Variants in STARD13 observed in about 807,000 individuals in gnomAD.
STARD13 encodes the protein StAR related lipid transfer domain containing 13, also known as stAR-related lipid transfer protein 13.
In STARD13, 62 loss-of-function variants were observed where a neutral mutation model predicts 106.4. The observed-to-expected ratio is 0.58, with a 90% CI of 0.48 to 0.72. STARD13 has a LOEUF of 0.72. Among genes scored for constraint, STARD13 ranks in the 30% least tolerant of loss-of-function variants. The pLI, the probability that STARD13 is intolerant of heterozygous loss-of-function variation, is 0.00. For synonymous variants in STARD13, 565 were observed against 553.0 expected, an observed-to-expected ratio of 1.02 and a Z score of -0.31; for missense variants, 1,387 against 1,424.0, an observed-to-expected ratio of 0.97 and a Z score of 0.42.
At chr13:33,503,989 C>A in the STARD13 span, among the ~76,000 whole-genome samples, 1 of 152,106 alleles carries the variant, frequency 6.6e-6, no homozygotes, top group Admixed American at 6.5e-5. Flanking sequence ...ATGCAGCCAA[C>A]AGACACATGA....
chr13:33,452,732 A>T, the STARD13 span, among the ~76,000 whole-genome samples: 11 of 152,322 alleles, frequency 7.2e-5, no homozygotes, highest in African/African-American at 2.4e-4. Context: ...AGATTAAGCT[A>T]AAAACTTGTG....
chr13:33,105,751 T>C, intron 13 of STARD13, 41 bp from the exon 14 acceptor site: 1 of 1,547,450 alleles, frequency 6.5e-7, no homozygotes, highest in Non-Finnish European at 8.9e-7. Flanking sequence ...GAAAGTTTGT[T>C]TCCAAATCAC....
At chr13:33,493,349 A>G in the STARD13 span, among the ~76,000 whole-genome samples, 2 of 152,198 alleles carry the variant, frequency 1.3e-5, no homozygotes, top group Admixed American at 1.3e-4. Flanking sequence ...ATGAACACAG[A>G]AGTGATCTCA....
chr13:33,352,842 G>C (rs1056061908), upstream of STARD13, among the ~76,000 whole-genome samples: 2 of 152,184 alleles, frequency 1.3e-5, no homozygotes, highest in African/African-American at 4.8e-5. Context: ...TACAGCATCC[G>C]CTCTCATTCT....
chr13:33,640,764 C>T, the STARD13 span, among the ~76,000 whole-genome samples: 1 of 152,114 alleles, frequency 6.6e-6, no homozygotes, highest in African/African-American at 2.4e-5. Context: ...TGATCCCAAT[C>T]TCAGATCAAG....
At chr13:33,350,255 G>GC in intron 1 of STARD13, 1 of 1,508,902 alleles carries the variant, frequency 6.6e-7, no homozygotes, top group Non-Finnish European at 8.8e-7. Context: ...CGCCTCCCCC[G>GC]CCCCCGTGGG....
the STARD13 span, among the ~76,000 whole-genome samples, chr13:33,423,693 C>T: frequency 6.6e-6 from 1 of 152,154 alleles, no homozygotes; most frequent in Admixed American, 6.5e-5. Flanking sequence ...TGGAACCAAC[C>T]CAAATGTTCA....
chr13:33,435,231 G>A, the STARD13 span, among the ~76,000 whole-genome samples: 12 of 152,224 alleles, frequency 7.9e-5, no homozygotes, highest in South Asian at 2.1e-4. Flanking sequence ...AACTTTGCCC[G>A]GAAGAAGTCC....
At chr13:33,531,337 T>A in the STARD13 span, among the ~76,000 whole-genome samples, 1 of 152,198 alleles carries the variant, frequency 6.6e-6, no homozygotes, top group Non-Finnish European at 1.5e-5. Context: ...CAGCTCTTTT[T>A]AAAAAAGTAT....
chr13:33,194,588 A>C (rs1038226529), intron 1 of STARD13, among the ~76,000 whole-genome samples: 6 of 152,246 alleles, frequency 3.9e-5, no homozygotes, highest in Non-Finnish European at 8.8e-5. Flanking sequence ...ACTTTAATAT[A>C]AACTAGATGT....
chr13:33,129,602 G>A lies in STARD13; in HGVS notation c.1075C>T (p.Arg359Cys), dbSNP rs547232719. The change falls in exon 5 of 14, where the codon CGC becomes TGC. Residue 359 changes from arginine (R) to cysteine (C), a missense_variant. Transcript: ENST00000336934. ...KERKCHEANK[R>C]GGMYLEDLDV... Reference sequence around the variant, plus strand: ...AGGTCCTCCAAGTACATGCCCCCGCGCTTGTTGGCCTCGTGGCACTTGCGT... The same window carrying A: ...AGGTCCTCCAAGTACATGCCCCCGCACTTGTTGGCCTCGTGGCACTTGCGT... The A allele has an allele frequency of 1.1e-5, 18 of 1,614,008 alleles. No individual in the cohort carries two copies. Among genetic ancestry groups the A allele is most frequent in the African/African-American group, 2.7e-5 (2 of 75,042 alleles).
At chr13:33,378,006 T>G in the STARD13 span, among the ~76,000 whole-genome samples, 1 of 152,200 alleles carries the variant, frequency 6.6e-6, no homozygotes, top group South Asian at 2.1e-4. Flanking sequence ...GGATGGCTAC[T>G]TTTACAGCCC....
rs1242642935 is a variant in STARD13, at chr13:33,130,124, T to C, written c.553A>G (p.Ser185Gly). ...TGMRNTTSSE[S>G]VLTDLSEPEV... Reference sequence around the variant, plus strand: ...GGCTCGCTCAGGTCTGTGAGGACGCTCTCACTGCTGGTCGTGTTCCTCATC... The same window carrying C: ...GGCTCGCTCAGGTCTGTGAGGACGCCCTCACTGCTGGTCGTGTTCCTCATC... The change falls in exon 5 of 14, where the codon AGC (serine) becomes GGC (glycine). Residue 185 changes from serine (S) to glycine (G), a missense_variant. By Grantham distance (56) the Ser-to-Gly change is moderately conservative (BLOSUM62 0). Coordinates refer to ENST00000336934, the MANE Select transcript of STARD13 (RefSeq NM_178006.4). The surrounding 1 kb of genome is among the most constrained non-coding windows in gnomAD (Gnocchi z 4.1). 6.2e-7 allele frequency: 1 copy of C among 1,613,966 alleles called. No homozygotes were observed. The highest frequency in any genetic ancestry group is 8.5e-7 in the Non-Finnish European group (1 of 1,180,006).
chr13:33,142,235 A>G (rs1158368685), intron 4 of STARD13, 75 bp downstream of exon 4: 10 of 1,121,500 alleles, frequency 8.9e-6, no homozygotes, highest in East Asian at 2.3e-5. Context: ...GGGTCTCACT[A>G]TGTTGCTCAG....
At chr13:33,106,612 T>C in intron 13 of STARD13, 146 bp downstream of exon 13, 2 of 627,390 alleles carry the variant, frequency 3.2e-6, no homozygotes, top group East Asian at 2.9e-5. Flanking sequence ...AGGGGAGGCA[T>C]ACATATCCAC....
intron 1 of STARD13, among the ~76,000 whole-genome samples, chr13:33,251,420 G>C (rs988468257): frequency 6.6e-6 from 1 of 152,220 alleles, no homozygotes; most frequent in South Asian, 2.1e-4. Flanking sequence ...TACTAAAACA[G>C]TCTGCCAGGT....
At chr13:33,576,473 A>G in the STARD13 span, among the ~76,000 whole-genome samples, 4 of 151,806 alleles carry the variant, frequency 2.6e-5, no homozygotes, top group African/African-American at 4.8e-5. Flanking sequence ...GGCTCAAGCA[A>G]TCTTCCTGTC....
In STARD13 at chr13:33,157,395, T is replaced by C. The variant is rs1003157123; in HGVS notation, c.323+7942A>G. ...TTGGAAATTCAGAGATGGCCAGGCATGGTTGCTCACGCCTGTAATCCTAGC... is the reference window on the plus strand; with the variant it reads ...TTGGAAATTCAGAGATGGCCAGGCACGGTTGCTCACGCCTGTAATCCTAGC... On this transcript the variant is annotated intron_variant, in intron 3 of 13. Transcript: ENST00000336934. 9.2e-5 allele frequency among the ~76,000 whole-genome samples: 14 copies of C among 152,296 alleles called. 1 individual carries two copies. The highest frequency in any genetic ancestry group is 2.6e-4 in the African/African-American group (11 of 41,564).
chr13:33,129,866 C>T lies in STARD13; in HGVS notation c.811G>A (p.Ala271Thr). Reference sequence around the variant, plus strand: ...CCAGACCCCTTATGCCTCCCGTGGGCTCCCTTCCCTCGGAGTGTTTCCATG... The same window carrying T: ...CCAGACCCCTTATGCCTCCCGTGGGTTCCCTTCCCTCGGAGTGTTTCCATG... ...KRMETLRGKG[A>T]HGRHKGSGRT... The change falls in exon 5 of 14, where the codon GCC becomes ACC. Residue 271 changes from alanine to threonine, a missense_variant. Transcript: ENST00000336934. The T allele has an allele frequency of 6.2e-7, 1 of 1,612,970 alleles. No individual in the cohort carries two copies. Among genetic ancestry groups the T allele is most frequent in the South Asian group, 1.1e-5 (1 of 91,082 alleles).
Sources: allele counts gnomAD v4.1 joint callset (sites outside exome capture counted in the v4.1 genomes callset), GRCh38; gene constraint gnomAD v4.1.1; non-coding constraint Gnocchi (gnomAD v3.1); transcripts MANE v1.5; gene names NCBI Gene and HGNC (gene_info 2026-07-23, HGNC 2026-07-21).